The following ETFA variants were observed in gnomAD, a reference collection of about 807,000 sequenced individuals.
The protein encoded by ETFA is electron transfer flavoprotein subunit alpha, mitochondrial.
A neutral mutation model predicts 46.2 loss-of-function variants in ETFA; 22 were observed. The ratio of observed to expected loss-of-function variants is 0.48; its 90% CI spans 0.34 to 0.68. The LOEUF is 0.68. ETFA is among the 30% of genes least tolerant of loss of function. The pLI is 0.01. For missense variants in ETFA, 345 were observed against 401.1 expected (o/e 0.86, Z 1.19); for synonymous variants, 131 against 139.9 (o/e 0.94, Z 0.45).
At chr15:76,242,325 G>A (rs575403958) in intron 9 of ETFA, among the ~76,000 whole-genome samples, 1 of 152,304 alleles carries the variant, frequency 6.6e-6, no homozygotes, top group Admixed American at 6.5e-5. Context: ...TAGGTCTCCT[G>A]ACTTCCAAGT....
chr15:76,258,963 C>T, intron 9 of ETFA: 1 of 1,557,058 alleles, frequency 6.4e-7, no homozygotes, highest in Non-Finnish European at 8.8e-7. Context: ...AGCCAAATTG[C>T]CCTGATGCCC....
chr15:76,228,545 C>G (rs1231540993), intron 10 of ETFA, among the ~76,000 whole-genome samples: 1 of 152,052 alleles, frequency 6.6e-6, no homozygotes, highest in South Asian at 2.1e-4. Context: ...CAAGGAACCA[C>G]TACAGTATTT....
At chr15:76,243,569 G>A (rs988527471) in intron 9 of ETFA, among the ~76,000 whole-genome samples, 3 of 152,000 alleles carry the variant, frequency 2.0e-5, no homozygotes, top group South Asian at 4.1e-4. Flanking sequence ...AGGCCGAGGC[G>A]GGTGGATCAC....
intron 8 of ETFA, among the ~76,000 whole-genome samples, chr15:76,276,860 T>A (rs975775753): frequency 2.6e-5 from 4 of 152,240 alleles, no homozygotes; most frequent in Admixed American, 2.6e-4. Flanking sequence ...TGCTTTTTAT[T>A]CATTAGAGAC....
intron 9 of ETFA, among the ~76,000 whole-genome samples, chr15:76,273,751 T>C (rs1028110816): frequency 6.6e-6 from 1 of 152,142 alleles, no homozygotes; most frequent in South Asian, 2.1e-4. Context: ...TCCTGCATAC[T>C]ATACAAGTTT....
chr15:76,255,915 T>G (rs2039341622), intron 9 of ETFA, among the ~76,000 whole-genome samples: 1 of 151,988 alleles, frequency 6.6e-6, no homozygotes, highest in Admixed American at 6.6e-5. Flanking sequence ...TTTGTTGTTT[T>G]TTTTTTTTAA....
chr15:76,261,264 CA>C lies in ETFA; in HGVS notation c.816+13147del, dbSNP rs1274828884. 1.9e-6 allele frequency: 3 copies of C among 1,573,074 alleles called. No homozygotes were observed. In the African/African-American group the frequency reaches 4.0e-5, roughly 21 times the overall value. On this transcript the variant is annotated intron_variant, in intron 9 of 11. Transcript: ENST00000557943. ...GGAAAGGGGCATTGGGTGGCACTGC[CA>C]GATCTTTTGGCTCCACTGTGAAAAG...
At chr15:76,295,936 C>CCTTTTTTT (rs2039816100) in intron 1 of ETFA, among the ~76,000 whole-genome samples, 199 bp from the exon 2 acceptor site, 2 of 46,602 alleles carry the variant, frequency 4.3e-5, no homozygotes, top group African/African-American at 1.3e-4. Context: ...CACTAATATT[C>CCTTTTTTT]TTTTTTTTTT....
At chr15:76,273,031 G>A (rs1201150235) in intron 9 of ETFA, among the ~76,000 whole-genome samples, 2 of 151,868 alleles carry the variant, frequency 1.3e-5, no homozygotes, top group Non-Finnish European at 2.9e-5. Context: ...AGTAAGTTGA[G>A]TAACACAAAA....
At chr15:76,287,375 C>A (rs1201533040) in intron 5 of ETFA, among the ~76,000 whole-genome samples, 1 of 151,938 alleles carries the variant, frequency 6.6e-6, no homozygotes, top group African/African-American at 2.4e-5. Flanking sequence ...ATTATGTTGC[C>A]CAGGATAGCC....
At chr15:76,238,486 A>T (rs1035560354) in intron 9 of ETFA, among the ~76,000 whole-genome samples, 2 of 152,186 alleles carry the variant, frequency 1.3e-5, no homozygotes, top group East Asian at 3.8e-4. Context: ...CAATACCCCT[A>T]AGACTGCCTC....
intron 1 of ETFA, among the ~76,000 whole-genome samples, chr15:76,310,525 G>A (rs1387636772): frequency 6.6e-6 from 1 of 152,088 alleles, no homozygotes; most frequent in African/African-American, 2.4e-5. Context: ...CTTGTGACTG[G>A]TCAGTCTCCA....
chr15:76,233,782 A>G (rs1489923746), intron 9 of ETFA, among the ~76,000 whole-genome samples: 2 of 152,236 alleles, frequency 1.3e-5, no homozygotes, highest in African/African-American at 4.8e-5. Flanking sequence ...AAAGCAAGCT[A>G]TTTAGCTAGA....
chr15:76,286,466 G>C lies in ETFA; in HGVS notation c.467C>G (p.Thr156Arg), dbSNP rs199597352. ...RTIYAGNALC[T>R]VKCDEKVKVF... Reference sequence around the variant, plus strand: ...TTTCACTTTCTCATCACACTTCACTGTACATAGAGCATTTCCTGAAACATA... The same window carrying C: ...TTTCACTTTCTCATCACACTTCACTCTACATAGAGCATTTCCTGAAACATA... Residue 156 changes from threonine (T) to arginine (R), a missense_variant, in exon 6 of 12, where the codon ACA (threonine) becomes AGA (arginine). By Grantham distance (71) the Thr-to-Arg change is moderately conservative. Coordinates refer to ENST00000557943, the MANE Select transcript of ETFA (RefSeq NM_000126.4). 1.7e-5 allele frequency: 27 copies of C among 1,609,126 alleles called. No homozygotes were observed. Among genetic ancestry groups the C allele is most frequent in the Non-Finnish European group, 2.0e-5 (23 of 1,175,678 alleles).
intron 9 of ETFA, among the ~76,000 whole-genome samples, chr15:76,265,362 A>G (rs1379636018): frequency 2.0e-5 from 3 of 152,198 alleles, no homozygotes; most frequent in African/African-American, 7.2e-5. Context: ...TACCCTACAT[A>G]AAACTAGGAA....
At chr15:76,284,833 G>A (rs1257413673) in intron 7 of ETFA, 1 of 329,832 alleles carries the variant, frequency 3.0e-6, no homozygotes, top group South Asian at 2.2e-5. Context: ...GGGAGGCTGA[G>A]GCAGGAGAAT....
chr15:76,260,514 C>T (rs111717702), intron 9 of ETFA: 177,873 of 1,268,138 alleles, frequency 0.14, 16 homozygotes, highest in Middle Eastern at 0.17. Context: ...GCCAACTGCA[C>T]TGGAGACACA....
intron 3 of ETFA, 42 bp downstream of exon 3, chr15:76,292,577 C>T (rs529953777): frequency 1.1e-5 from 17 of 1,581,940 alleles, no homozygotes; most frequent in Middle Eastern, 1.7e-4. Context: ...TATATTCAAG[C>T]GTAATTTAGA....
At position 76,295,624 on chromosome 15, in the gene ETFA, C is replaced by T. The variant is rs2039810189; in HGVS notation, c.153G>A (p.Val51=). 1.9e-6 allele frequency: 3 copies of T among 1,613,840 alleles called. No homozygotes were observed. The highest frequency in any genetic ancestry group is 2.5e-6 in the Non-Finnish European group (3 of 1,179,830). Residue 51 remains valine, a synonymous_variant, in exon 2 of 12, where the codon GTG becomes GTA. Coordinates refer to ENST00000557943, the MANE Select transcript of ETFA (RefSeq NM_000126.4). The part of the protein sequence containing the change: ...ITAATRLGGE[V]SCLVAGTKCD... Reference sequence around the variant, plus strand: ...ATTTGGTTCCAGCTACTAAGCAGGACACTTCACCTCCAAGGCGTGTGGCTG... The same window carrying T: ...ATTTGGTTCCAGCTACTAAGCAGGATACTTCACCTCCAAGGCGTGTGGCTG...
Sources: allele counts gnomAD v4.1 joint callset (sites outside exome capture counted in the v4.1 genomes callset), GRCh38; gene constraint gnomAD v4.1.1; transcripts MANE v1.5; gene names NCBI Gene and HGNC (gene_info 2026-07-23, HGNC 2026-07-21).